The following ADAMTS18 variants were observed in gnomAD, a reference collection of about 807,000 sequenced individuals.
ADAMTS18 encodes A disintegrin and metalloproteinase with thrombospondin motifs 18.
A neutral mutation model predicts 165.9 loss-of-function variants in ADAMTS18; 157 were observed. That is an observed-to-expected ratio of 0.95 (90% CI 0.83 to 1.08). The LOEUF is 1.08. Ranked by LOEUF, ADAMTS18 falls within the 50% of genes least tolerant of loss-of-function variation. The pLI is 0.00. For missense variants in ADAMTS18, 2,040 were observed against 1,534.0 expected (o/e 1.33, Z -5.51); for synonymous variants, 782 against 578.2 (o/e 1.35, Z -5.06).
chr16:77,322,201 A>C (rs1205990595), intron 14 of ADAMTS18, 135 bp downstream of exon 14: 4 of 1,023,416 alleles, frequency 3.9e-6, no homozygotes, highest in Non-Finnish European at 6.0e-6. Flanking sequence ...GAATCCAGTG[A>C]AACACTTTGC....
intron 3 of ADAMTS18, among the ~76,000 whole-genome samples, chr16:77,424,243 C>A (rs1454618890): frequency 1.3e-5 from 2 of 152,154 alleles, no homozygotes; most frequent in Admixed American, 1.3e-4. Context: ...CCAAGGCAGT[C>A]AGATCACCTA....
At chr16:77,362,773 T>C (rs925482816) in intron 6 of ADAMTS18, among the ~76,000 whole-genome samples, 2 of 152,174 alleles carry the variant, frequency 1.3e-5, no homozygotes, top group East Asian at 3.9e-4. Flanking sequence ...ACCCTTAAAA[T>C]AATCATTTGT....
Position 77,434,436 on chromosome 16 carries a change from C to A in ADAMTS18, c.160G>T (p.Ala54Ser). The A allele has an allele frequency of 1.9e-6, 3 of 1,572,712 alleles. No individual in the cohort carries two copies. The highest frequency in any genetic ancestry group is 1.7e-4 in the Middle Eastern group (1 of 6,018). ...TACGAACCATCATTTAATCCGCTGG[C>A]GCCGCTGCTGCTGTCACTGGCTAAG... ...AALASDSSSG[A>S]SGLNDDYVFV... The change falls in exon 2 of 23, where the codon GCC (alanine) becomes TCC (serine). Residue 54 changes from alanine (A) to serine (S), a missense_variant. Coordinates refer to ENST00000282849, the MANE Select transcript of ADAMTS18 (RefSeq NM_199355.4).
At chr16:77,374,716 A>T (rs1272813849) in intron 3 of ADAMTS18, among the ~76,000 whole-genome samples, 1 of 152,224 alleles carries the variant, frequency 6.6e-6, no homozygotes, top group African/African-American at 2.4e-5. Context: ...AACTGCAGAC[A>T]ACTCAAATGC....
chr16:77,341,668 T>A (rs1411290776), intron 11 of ADAMTS18, 36 bp downstream of exon 11: 1 of 1,553,824 alleles, frequency 6.4e-7, no homozygotes, highest in Admixed American at 1.7e-5. Context: ...CCTTATCAAA[T>A]TTCTGGAGCT....
At chr16:77,340,459 G>A (rs984893180) in intron 11 of ADAMTS18, among the ~76,000 whole-genome samples, 7 of 152,138 alleles carry the variant, frequency 4.6e-5, no homozygotes, top group Admixed American at 2.0e-4. Flanking sequence ...ACAGGCATGA[G>A]CCACTGTGCC....
At chr16:77,344,674 C>T (rs1361912684) in intron 10 of ADAMTS18, among the ~76,000 whole-genome samples, 3 of 151,836 alleles carry the variant, frequency 2.0e-5, no homozygotes, top group Admixed American at 6.6e-5. Context: ...GGCTAGCTGT[C>T]GTAGCCAATG....
At chr16:77,371,305 A>G (rs2056872973) in intron 3 of ADAMTS18, among the ~76,000 whole-genome samples, 1 of 152,174 alleles carries the variant, frequency 6.6e-6, no homozygotes, top group Non-Finnish European at 1.5e-5. Context: ...TGGAACCACA[A>G]AAAGACCCTG....
rs564770108 is a variant in ADAMTS18 at position 77,284,579 on chromosome 16, G to A, written c.3551-508C>T. ...ATTGGGACTTTGGTAGGGGGGTGAG[G>A]TAGGGGCAGGATTTAGATGCCAAGA... On this transcript the variant is annotated intron_variant, in intron 22 of 22. Transcript: ENST00000282849. 1.9e-3 allele frequency among the ~76,000 whole-genome samples: 286 copies of A among 152,244 alleles called. 2 individuals carry two copies. Among genetic ancestry groups the A allele is most frequent in the Middle Eastern group, 0.014 (4 of 294 alleles).
At chr16:77,416,830 A>G (rs1420975610) in intron 3 of ADAMTS18, among the ~76,000 whole-genome samples, 1 of 152,190 alleles carries the variant, frequency 6.6e-6, no homozygotes, top group Non-Finnish European at 1.5e-5. Context: ...GTCATTAGAG[A>G]AGAAGCTGCT....
At chr16:77,333,409 G>T (rs76947749) in intron 12 of ADAMTS18, among the ~76,000 whole-genome samples, 1 of 150,992 alleles carries the variant, frequency 6.6e-6, no homozygotes, top group African/African-American at 2.4e-5. Flanking sequence ...CCACCATGGC[G>T]CTATATACCT....
intron 8 of ADAMTS18, among the ~76,000 whole-genome samples, chr16:77,356,609 A>T (rs2056634356): frequency 6.7e-6 from 1 of 148,516 alleles, no homozygotes; most frequent in Non-Finnish European, 1.5e-5. Context: ...AATTGTAATT[A>T]AACTCTCTTA....
chr16:77,359,084 C>T (rs2056672884), intron 8 of ADAMTS18, among the ~76,000 whole-genome samples: 1 of 152,112 alleles, frequency 6.6e-6, no homozygotes, highest in Non-Finnish European at 1.5e-5. Flanking sequence ...GCCCAGAGAC[C>T]CCATCTGTGC....
chr16:77,339,880 T>C (rs1448104636), intron 11 of ADAMTS18, among the ~76,000 whole-genome samples: 1 of 151,114 alleles, frequency 6.6e-6, no homozygotes, highest in Non-Finnish European at 1.5e-5. Flanking sequence ...TTTTAAGAGA[T>C]AGTGAATAAA....
intron 3 of ADAMTS18, among the ~76,000 whole-genome samples, chr16:77,390,650 A>G (rs1028846424): frequency 9.9e-5 from 15 of 151,588 alleles, no homozygotes; most frequent in African/African-American, 3.6e-4. Context: ...AGATCGCACC[A>G]CTGCACTTCA....
At chr16:77,319,116 G>C (rs966236755) in intron 16 of ADAMTS18, among the ~76,000 whole-genome samples, 1 of 152,044 alleles carries the variant, frequency 6.6e-6, no homozygotes, top group East Asian at 1.9e-4. Context: ...AATCATGGTA[G>C]TTTAGTATGA....
chr16:77,341,621 A>C, intron 11 of ADAMTS18, 83 bp downstream of exon 11: 2 of 1,086,050 alleles, frequency 1.8e-6, no homozygotes, highest in African/African-American at 1.6e-5. Flanking sequence ...CAAAGCATTC[A>C]CCCTAAGGTC....
At position 77,297,197 on chromosome 16, in the gene ADAMTS18, G is replaced by A. The variant is rs538735514; in HGVS notation, c.2801+92C>T. On this transcript the variant is annotated intron_variant, in intron 18 of 22. Transcript: ENST00000282849. ...TCTACCTTTGAATCACTTTCCATTA[G>A]CAGTATTCACAGTGAGCTTTCATCA... 2.6e-6 allele frequency: 4 copies of A among 1,520,244 alleles called. No homozygotes were observed. The African/African-American group carries it at 4.1e-5, about 16-fold the overall frequency. 94.2% of individuals were successfully genotyped at this position (1,520,244 alleles called of 1,614,324 possible). A position where few individuals can be genotyped will look rare whatever the true frequency, so the allele number is the denominator to read the frequency against.
chr16:77,389,381 G>T (rs902399798), intron 3 of ADAMTS18, among the ~76,000 whole-genome samples: 1 of 152,138 alleles, frequency 6.6e-6, no homozygotes, highest in Non-Finnish European at 1.5e-5. Flanking sequence ...TAAGTGAGGG[G>T]GTAGGTTTTG....
Sources: allele counts gnomAD v4.1 joint callset (sites outside exome capture counted in the v4.1 genomes callset), GRCh38; gene constraint gnomAD v4.1.1; transcripts MANE v1.5; gene names NCBI Gene and HGNC (gene_info 2026-07-23, HGNC 2026-07-21).